MUC3A: variants seen among roughly 807,000 people sequenced by gnomAD.
MUC3A encodes the protein mucin-3A.
MUC3A carries 109 observed loss-of-function variants against 109.0 expected under a neutral mutation model. The observed-to-expected ratio is 1.00, with a 90% confidence interval of 0.86 to 1.17. MUC3A has a LOEUF of 1.17. MUC3A is among the 50% of genes most tolerant of loss of function. The pLI is 0.00. For missense variants in MUC3A, 3,537 were observed against 2,469.4 expected (o/e 1.43, Z -9.16); for synonymous variants, 1,398 against 981.4 (o/e 1.42, Z -7.93).
At chr7:100,963,095 T>C in intron 3 of MUC3A, 56 bp from the exon 4 acceptor site, 1 of 1,567,878 alleles carries the variant, frequency 6.4e-7, no homozygotes, top group African/African-American at 1.3e-5. Flanking sequence ...GTGGTGTTGG[T>C]GGCTTCAGAC....
At position 100,966,494 on chromosome 7, in the gene MUC3A, G is replaced by A. The variant is rs1792566938; in HGVS notation, c.9720G>A (p.Leu3240=). ...CGGCCGGCGCCGCGCTGCTGGTGCT[G>A]CTGCTGCTGGCGCTGGGCGTCCGGG... is the stretch of plus-strand genomic sequence containing the variant. ...GLTAGAALLV[L]LLLALGVRAV... The change falls in exon 9 of 12, where the codon CTG becomes CTA. Residue 3240 remains leucine, a synonymous_variant. Transcript: ENST00000379458. 1.5e-6 allele frequency: 2 copies of A among 1,312,608 alleles called. No homozygotes were observed. The highest frequency in any genetic ancestry group is 1.9e-6 in the Non-Finnish European group (2 of 1,040,562). The allele number at this position is 1,312,608 out of a possible 1,614,324, so 81.3% of individuals were successfully genotyped here.
chr7:100,960,898 G>C lies in MUC3A; in HGVS notation c.9013G>C (p.Gly3005Arg). ...ATGCCAGTGCCCCAGCACCTTCTATGGTTCCAGTTGTGAGTTTGCTGTGGA... is the reference window on the plus strand; with the variant it reads ...ATGCCAGTGCCCCAGCACCTTCTATCGTTCCAGTTGTGAGTTTGCTGTGGA... ...LKCQCPSTFYGSSCEFAVEQV... is the reference protein window; with the variant it reads ...LKCQCPSTFYRSSCEFAVEQV... Residue 3005 changes from glycine to arginine, a missense_variant, in exon 3 of 12, where the codon GGT (glycine) becomes CGT (arginine). By Grantham distance (125) the Gly-to-Arg change is moderately radical. Transcript: ENST00000379458. 6.3e-7 allele frequency: 1 copy of C among 1,598,542 alleles called. No individual in the cohort carries two copies. Among genetic ancestry groups the C allele is most frequent in the Non-Finnish European group, 8.5e-7 (1 of 1,179,820 alleles).
Position 100,966,550 on chromosome 7 carries a change from G to T in MUC3A, c.9776G>T (p.Arg3259Leu). 1 of 1,412,324 alleles carries T rather than the reference G, an allele frequency of 7.1e-7. No individual in the cohort carries two copies. 87.5% of individuals were successfully genotyped at this position (1,412,324 alleles called of 1,614,324 possible). Reference sequence around the variant, plus strand: ...CGCTCCGGATGGTGGGGCGGCCAGCGCCGAGGCCGGTGAGCGTGCGGGGGG... The same window carrying T: ...CGCTCCGGATGGTGGGGCGGCCAGCTCCGAGGCCGGTGAGCGTGCGGGGGG... Reference protein sequence around the residue: ...AVRSGWWGGQRRGRSWDQDRK... With the variant: ...AVRSGWWGGQLRGRSWDQDRK... Residue 3259 changes from arginine (R) to leucine (L), a missense_variant, in exon 9 of 12, where the codon CGC becomes CTC. Transcript: ENST00000379458.
Position 100,953,280 on chromosome 7 carries a change from A to G in MUC3A, c.1501A>G (p.Ser501Gly), listed in dbSNP as rs1033401731. The change falls in exon 2 of 12, where the codon AGC (serine) becomes GGC (glycine). Residue 501 changes from serine to glycine, a missense_variant. By Grantham distance (56) the Ser-to-Gly change is moderately conservative. Coordinates refer to ENST00000379458, the MANE Select transcript of MUC3A (RefSeq NM_005960.2). ...GAATACAGAAACCTCATCCCTTGTC[A>G]GCATGACCTCTGCCACTACTCCCAA... ...IQNTETSSLV[S>G]MTSATTPNVR... 5.4e-5 allele frequency: 29 copies of G among 535,690 alleles called. No individual in the cohort carries two copies. Among genetic ancestry groups the G allele is most frequent in the Middle Eastern group, 9.5e-4 (2 of 2,114 alleles). 33.2% of individuals were successfully genotyped at this position (535,690 alleles called of 1,614,324 possible). A position where few individuals can be genotyped will look rare whatever the true frequency, so the allele number is the denominator to read the frequency against.
rs1584805078 is a variant in MUC3A at position 100,959,133 on chromosome 7, G to C, written c.7354G>C (p.Val2452Leu). Residue 2452 changes from valine to leucine, a missense_variant, in exon 2 of 12, where the codon GTC (valine) becomes CTC (leucine). Transcript: ENST00000379458. ...CAGTTCTTCAACCATCTACTCCACAGTCAGCACATCCACAACTGCCATCAC... is the reference window on the plus strand; with the variant it reads ...CAGTTCTTCAACCATCTACTCCACACTCAGCACATCCACAACTGCCATCAC... Reference protein sequence around the residue: ...SLSSSTIYSTVSTSTTAITSH... With the variant: ...SLSSSTIYSTLSTSTTAITSH... The C allele has an allele frequency of 2.2e-6, 3 of 1,380,638 alleles. No individual in the cohort carries two copies. Among genetic ancestry groups the C allele is most frequent in the Non-Finnish European group, 2.8e-6 (3 of 1,070,626 alleles). The allele number at this position is 1,380,638 out of a possible 1,614,324, so 85.5% of individuals were successfully genotyped here.
chr7:100,958,582 A>T lies in MUC3A; in HGVS notation c.6803A>T (p.His2268Leu). The change falls in exon 2 of 12, where the codon CAT becomes CTT. Residue 2268 changes from histidine to leucine, a missense_variant. Physicochemically the swap from His to Leu is moderately conservative, Grantham distance 99. Coordinates refer to ENST00000379458, the MANE Select transcript of MUC3A (RefSeq NM_005960.2). The part of the protein sequence containing the change: ...SSITTTETTS[H>L]DTPSFTSSIT... ...ATCACCACCACTGAGACCACCTCACATGATACTCCCAGCTTCACTTCTTCA... is the reference window on the plus strand; with the variant it reads ...ATCACCACCACTGAGACCACCTCACTTGATACTCCCAGCTTCACTTCTTCA... The T allele has an allele frequency of 7.1e-6, 10 of 1,417,494 alleles. No individual in the cohort carries two copies. The highest frequency in any genetic ancestry group is 9.8e-6 in the Non-Finnish European group (10 of 1,019,102). The allele number at this position is 1,417,494 out of a possible 1,614,324, so 87.8% of individuals were successfully genotyped here. A position where few individuals can be genotyped will look rare whatever the true frequency, so the allele number is the denominator to read the frequency against.
intron 5 of MUC3A, 82 bp from the exon 6 acceptor site, chr7:100,964,613 C>T (rs1792458702): frequency 1.3e-6 from 2 of 1,518,646 alleles, no homozygotes; most frequent in Non-Finnish European, 1.8e-6. Flanking sequence ...TTCTGGTGCA[C>T]TTTGGGTTGC....
intron 8 of MUC3A, chr7:100,966,070 C>G: frequency 2.0e-6 from 1 of 491,062 alleles, no homozygotes; most frequent in South Asian, 3.3e-5. Context: ...TGAGTCCTGT[C>G]CCCTAATTCT....
At chr7:100,964,418 C>G (rs1342902424) in intron 5 of MUC3A, 4 of 472,042 alleles carry the variant, frequency 8.5e-6, no homozygotes, top group African/African-American at 2.0e-5. Context: ...TACAATGATA[C>G]CACTGCACTC....
rs912622099 is a variant in MUC3A at position 100,955,658 on chromosome 7, C to T, written c.3879C>T (p.Ala1293=). The part of the protein sequence containing the change: ...STYSFSSSMS[A]SSAGTTHTET... ...ATTCATTTTCATCTTCCATGTCTGC[C>T]AGCAGTGCAGGGACCACTCACACAG... The change falls in exon 2 of 12, where the codon GCC becomes GCT. Residue 1293 remains alanine, a synonymous_variant. Transcript: ENST00000379458. The T allele has an allele frequency of 4.4e-4, 198 of 446,802 alleles. No individual in the cohort carries two copies. Among genetic ancestry groups the T allele is most frequent in the Non-Finnish European group, 5.3e-4 (136 of 257,170 alleles). 27.7% of individuals were successfully genotyped at this position (446,802 alleles called of 1,614,324 possible).
rs1250552166 is a variant in MUC3A, at chr7:100,966,649, T to C, written c.9786-3T>C. 3 of 1,598,390 alleles carry C rather than the reference T, an allele frequency of 1.9e-6. No homozygotes were observed. The highest frequency in any genetic ancestry group is 1.7e-5 in the Admixed American group (1 of 60,000). ...TGTCTGACCGCGCGGCGGCCCCACC[T>C]AGGTCCTGGGACCAGGACAGGAAAT... On this transcript the variant is annotated splice_region_variant and splice_polypyrimidine_tract_variant and intron_variant, in intron 9 of 11. Transcript: ENST00000379458.
intron 5 of MUC3A, chr7:100,964,096 A>C: frequency 2.1e-6 from 1 of 477,746 alleles, no homozygotes. Context: ...AGAGGGAGAG[A>C]ACGCACGTCT....
In MUC3A at chr7:100,959,741, T is replaced by A; in HGVS notation, c.7962T>A (p.Ser2654=). 1 of 1,598,504 alleles carries A rather than the reference T, an allele frequency of 6.3e-7. No homozygotes were observed. Among genetic ancestry groups the A allele is most frequent in the Non-Finnish European group, 8.5e-7 (1 of 1,179,798 alleles). Residue 2654 remains serine, a synonymous_variant, in exon 2 of 12, where the codon TCT becomes TCA. Coordinates refer to ENST00000379458, the MANE Select transcript of MUC3A (RefSeq NM_005960.2). ...STPSLQTSLT[S]TSEFTTESFT... The stretch of plus-strand genomic sequence containing the variant: ...CCTCATTGCAAACTTCACTCACATC[T>A]ACAAGTGAGTTCACTACAGAATCTT...
In MUC3A at chr7:100,966,398, C is replaced by A; in HGVS notation, c.9624C>A (p.Thr3208=). The A allele has an allele frequency of 1.5e-6, 2 of 1,340,422 alleles. No homozygotes were observed. Among genetic ancestry groups the A allele is most frequent in the Non-Finnish European group, 1.9e-6 (2 of 1,051,508 alleles). 83.0% of individuals were successfully genotyped at this position (1,340,422 alleles called of 1,614,324 possible). A position where few individuals can be genotyped will look rare whatever the true frequency, so the allele number is the denominator to read the frequency against. The change falls in exon 9 of 12, where the codon ACC becomes ACA. Residue 3208 remains threonine, a synonymous_variant. Transcript: ENST00000379458. Reference sequence around the variant, plus strand: ...CGATCTCCCGCAGCTGCTACTCCACCGACACGCACTGGTTCTCTGGCCCGC... The same window carrying A: ...CGATCTCCCGCAGCTGCTACTCCACAGACACGCACTGGTTCTCTGGCCCGC... ...TSGPTCRCYS[T]DTHWFSGPRC...
At position 100,959,465 on chromosome 7, in the gene MUC3A, A is replaced by C; in HGVS notation, c.7686A>C (p.Pro2562=). 6.4e-7 allele frequency: 1 copy of C among 1,573,090 alleles called. No homozygotes were observed. Among genetic ancestry groups the C allele is most frequent in the Non-Finnish European group, 8.6e-7 (1 of 1,169,086 alleles). ...RMTLRITENT[P]ISSFSTSIVV... ...CCCTCAGAATTACTGAGAACACCCC[A>C]ATCAGTTCCTTTAGCACAAGTATTG... The change falls in exon 2 of 12, where the codon CCA becomes CCC. Residue 2562 remains proline, a synonymous_variant. Coordinates refer to ENST00000379458, the MANE Select transcript of MUC3A (RefSeq NM_005960.2).
intron 7 of MUC3A, 66 bp from the exon 8 acceptor site, chr7:100,965,638 T>G: frequency 6.5e-7 from 1 of 1,546,710 alleles, no homozygotes; most frequent in South Asian, 1.2e-5. Context: ...AGAGGCACCG[T>G]TATCAGGCCC....
chr7:100,967,571 A>G lies in MUC3A; in HGVS notation c.*409A>G. The G allele has an allele frequency of 2.4e-6, 1 of 409,770 alleles. No individual in the cohort carries two copies. The highest frequency in any genetic ancestry group is 4.4e-6 in the Non-Finnish European group (1 of 227,906). 25.4% of individuals were successfully genotyped at this position (409,770 alleles called of 1,614,324 possible). On this transcript the variant is annotated 3_prime_UTR_variant, in exon 12 of 12. Transcript: ENST00000379458. ...GGATCCTCCAATCCTCACGTCCTTC[A>G]CCTGGTCTCTGGCCCTGGTTCTTAT...
At position 100,967,106 on chromosome 7, in the gene MUC3A, C is replaced by T. The variant is rs755833670; in HGVS notation, c.9931-15C>T. Reference sequence around the variant, plus strand: ...AGTGGCTCCGCGTTCCCGTCCCTCACTGTGACTCTGACAGGTGCACATCAA... The same window carrying T: ...AGTGGCTCCGCGTTCCCGTCCCTCATTGTGACTCTGACAGGTGCACATCAA... On this transcript the variant is annotated splice_polypyrimidine_tract_variant and intron_variant, in intron 11 of 11. Transcript: ENST00000379458. 6.3e-7 allele frequency: 1 copy of T among 1,598,554 alleles called. No individual in the cohort carries two copies. Among genetic ancestry groups the T allele is most frequent in the Admixed American group, 1.7e-5 (1 of 60,034 alleles).
chr7:100,962,680 TTC>T (rs1310386682), intron 3 of MUC3A, among the ~76,000 whole-genome samples: 3 of 87,232 alleles, frequency 3.4e-5, no homozygotes, highest in Non-Finnish European at 2.2e-5. Flanking sequence ...CTTTTTTTCT[TTC>T]TCTTTTTCTT....
Sources: allele counts gnomAD v4.1 joint callset (sites outside exome capture counted in the v4.1 genomes callset), GRCh38; gene constraint gnomAD v4.1.1; transcripts MANE v1.5; gene names NCBI Gene and HGNC (gene_info 2026-07-23, HGNC 2026-07-21).